Variants in TTC23L observed in about 807,000 individuals in gnomAD.
TTC23L encodes the protein tetratricopeptide repeat protein 23-like.
A neutral mutation model predicts 48.1 loss-of-function variants in TTC23L; 42 were observed. That is an observed-to-expected ratio of 0.87 (90% CI 0.68 to 1.13). The LOEUF is 1.13. TTC23L is among the 50% of genes most tolerant of loss of function. The probability of loss-of-function intolerance (pLI) is 0.00; values close to 1 mark genes in which losing one functional copy is unlikely to be tolerated. For synonymous variants in TTC23L, 159 were observed against 157.2 expected, an observed-to-expected ratio of 1.01 and a Z score of -0.09; for missense variants, 391 against 421.0, an observed-to-expected ratio of 0.93 and a Z score of 0.62.
At chr5:34,867,050 C>T in exon 7 of TTC23L, 1 of 1,611,104 alleles carries the variant, frequency 6.2e-7, no homozygotes, top group Non-Finnish European at 8.5e-7. Context: ...CACAACCAGG[C>T]CATCCAGTAC....
intron 1 of TTC23L, among the ~76,000 whole-genome samples, chr5:34,840,154 A>G (rs944688632): frequency 1.4e-5 from 2 of 142,006 alleles, no homozygotes; most frequent in Admixed American, 7.9e-5. Flanking sequence ...GGCTTCCCAC[A>G]GTGCTGGGAT....
At chr5:34,840,243 G>C (rs1000628192) in intron 1 of TTC23L, among the ~76,000 whole-genome samples, 4 of 142,920 alleles carry the variant, frequency 2.8e-5, no homozygotes, top group Non-Finnish European at 3.1e-5. Flanking sequence ...ACCCCGGGGG[G>C]GGGGGGGAAA....
In TTC23L at chr5:34,894,970, T is replaced by TAATC. The variant is rs369372637; in HGVS notation, c.1078-1798_1078-1795dup. ...TTGCAGATGGAAAGGGAAGGATGAC[T>TAATC]AATCAGAAGCCATTATATTGGCAAA... On this transcript the variant is annotated intron_variant, in intron 9 of 10. Coordinates refer to ENST00000505624, the Ensembl canonical transcript of TTC23L. Among the ~76,000 whole-genome samples the TAATC allele has an allele frequency of 6.7e-3, 1,026 of 152,254 alleles. 10 individuals are homozygous for TAATC. Among genetic ancestry groups the TAATC allele is most frequent in the African/African-American group, 0.024 (994 of 41,530 alleles).
intron 9 of TTC23L, among the ~76,000 whole-genome samples, chr5:34,889,849 T>C (rs1007954249): frequency 6.6e-6 from 1 of 152,102 alleles, no homozygotes; most frequent in Non-Finnish European, 1.5e-5. Context: ...TTTTTGTTTT[T>C]GTTTTTTTGA....
intron 1 of TTC23L, among the ~76,000 whole-genome samples, chr5:34,840,364 G>T (rs1488397645): frequency 6.6e-6 from 1 of 152,002 alleles, no homozygotes; most frequent in Non-Finnish European, 1.5e-5. Context: ...AGTTAAGTAG[G>T]TGACCATAGT....
chr5:34,918,817 C>CTT, the TTC23L span: 503 of 132,334 alleles, frequency 3.8e-3, 2 homozygotes, highest in African/African-American at 7.7e-3. Flanking sequence ...CTTTTTGGGC[C>CTT]TTTTTTTTTT....
chr5:34,925,438 G>T, the TTC23L span: 2 of 1,613,728 alleles, frequency 1.2e-6, no homozygotes, highest in Admixed American at 1.7e-5. Flanking sequence ...GAAAGAAACG[G>T]ATTTACAAAA....
chr5:34,851,289 G>A lies in TTC23L; in HGVS notation c.379+981G>A, dbSNP rs141427414. Reference sequence around the variant, plus strand: ...GTGATTTGAAGGCTACAGGAAAAGGGAAGCAATATATTTGGGCCATAATGA... The same window carrying A: ...GTGATTTGAAGGCTACAGGAAAAGGAAAGCAATATATTTGGGCCATAATGA... On this transcript the variant is annotated intron_variant, in intron 4 of 10. Coordinates refer to ENST00000505624, the Ensembl canonical transcript of TTC23L. Among the ~76,000 whole-genome samples, 530 of 152,254 alleles carry A rather than the reference G, an allele frequency of 3.5e-3. 3 individuals carry two copies. The highest frequency in any genetic ancestry group is 0.012 in the African/African-American group (495 of 41,552).
chr5:34,850,932 A>G (rs1490920861), intron 4 of TTC23L, among the ~76,000 whole-genome samples: 1 of 152,216 alleles, frequency 6.6e-6, no homozygotes, highest in Non-Finnish European at 1.5e-5. Flanking sequence ...CTGAGGCGAG[A>G]GCGCATTTCA....
At chr5:34,889,838 G>GTT (rs1333279872) in intron 9 of TTC23L, among the ~76,000 whole-genome samples, 1 of 147,776 alleles carries the variant, frequency 6.8e-6, no homozygotes, top group Non-Finnish European at 1.5e-5. Flanking sequence ...GTTTTTTTTT[G>GTT]TTTTTGTTTT....
chr5:34,839,350 C>T (rs1442680788), intron 1 of TTC23L, 91 bp downstream of exon 1: 1 of 152,776 alleles, frequency 6.5e-6, no homozygotes, highest in Admixed American at 6.5e-5. Flanking sequence ...CGTGGTTTCT[C>T]CGCCTTGAGC....
chr5:34,921,901 G>C, the TTC23L span: 165 of 144,202 alleles, frequency 1.1e-3, no homozygotes, highest in African/African-American at 4.6e-3. Flanking sequence ...GAGCGAAACT[G>C]CATCGCAAAA....
chr5:34,914,945 G>C, the TTC23L span: 2 of 1,595,834 alleles, frequency 1.3e-6, no homozygotes, highest in South Asian at 2.2e-5. Context: ...ACAACTTCTC[G>C]GCGGATCGCC....
intron 3 of TTC23L, among the ~76,000 whole-genome samples, chr5:34,847,713 C>G (rs1759330993): frequency 6.6e-6 from 1 of 152,092 alleles, no homozygotes; most frequent in Non-Finnish European, 1.5e-5. Flanking sequence ...CGAAAGAGAA[C>G]TTAGTATTTG....
At chr5:34,878,907 G>A (rs1248505282) in intron 8 of TTC23L, among the ~76,000 whole-genome samples, 1 of 152,172 alleles carries the variant, frequency 6.6e-6, no homozygotes, top group Non-Finnish European at 1.5e-5. Context: ...GTTTATCGTA[G>A]CACTATTCAC....
chr5:34,894,833 G>GAA (rs569198169), intron 9 of TTC23L, among the ~76,000 whole-genome samples: 180 of 152,254 alleles, frequency 1.2e-3, no homozygotes, highest in African/African-American at 4.2e-3. Context: ...AAACTGCAAA[G>GAA]AAAGGTGCCT....
At chr5:34,852,029 T>C (rs879617965) in intron 4 of TTC23L, among the ~76,000 whole-genome samples, 3 of 152,156 alleles carry the variant, frequency 2.0e-5, no homozygotes, top group Admixed American at 1.3e-4. Context: ...AATAGGTTTA[T>C]CAAGTAGATT....
intron 5 of TTC23L, 105 bp from the exon 6 acceptor site, chr5:34,864,332 A>C: frequency 7.3e-7 from 1 of 1,373,532 alleles, no homozygotes; most frequent in Non-Finnish European, 9.9e-7. Context: ...CCCATTTTTA[A>C]TATTGCTTCA....
At chr5:34,877,316 CTGA>C (rs1332713487) in intron 8 of TTC23L, among the ~76,000 whole-genome samples, 3 of 150,616 alleles carry the variant, frequency 2.0e-5, no homozygotes, top group African/African-American at 7.3e-5. Flanking sequence ...TTTCCTCAGC[CTGA>C]TAAGTCACAT....
Sources: gnomAD v4.1 joint callset for allele counts (sites outside exome capture counted in the v4.1 genomes callset) on GRCh38, gnomAD v4.1.1 for gene constraint, MANE v1.5 for transcripts, NCBI Gene and HGNC (gene_info 2026-07-23, HGNC 2026-07-21) for gene names.